The following TBC1D12 variants were observed in gnomAD, a reference collection of about 807,000 sequenced individuals.
The protein encoded by TBC1D12 is TBC1 domain family, member 12.
TBC1D12 carries 56 observed loss-of-function variants against 86.7 expected under a neutral mutation model. The observed-to-expected ratio is 0.65, with a 90% CI of 0.52 to 0.81. The LOEUF (loss-of-function observed/expected upper bound fraction) is 0.81. Among genes scored for constraint, TBC1D12 ranks in the 30% least tolerant of loss-of-function variants. The pLI is 0.00. For synonymous variants in TBC1D12, 421 were observed against 411.7 expected (o/e 1.02, Z -0.27); for missense variants, 1,023 against 1,038.8 (o/e 0.98, Z 0.21).
At position 94,403,376 on chromosome 10, in the gene TBC1D12, A is replaced by G; in HGVS notation, c.763A>G (p.Arg255Gly). Reference protein sequence around the residue: ...EGAPPATSAERTNGGAEPRLG... With the variant: ...EGAPPATSAEGTNGGAEPRLG... ...CGCGCCCCCTGCCACCTCGGCCGAG[A>G]GGACTAATGGGGGTGCGGAGCCGCG... is the stretch of plus-strand genomic sequence containing the variant. The change falls in exon 1 of 13, where the codon AGG becomes GGG. Residue 255 changes from arginine to glycine, a missense_variant. Physicochemically the swap from Arg to Gly is moderately radical, Grantham distance 125. Around this residue, in one of 2 missense-constraint regions of TBC1D12, gnomAD observed 628 missense variants for 531.1 expected, o/e 1.18. Coordinates refer to ENST00000225235, the MANE Select transcript of TBC1D12 (RefSeq NM_015188.2). The G allele has an allele frequency of 6.5e-7, 1 of 1,536,280 alleles. No homozygotes were observed. The highest frequency in any genetic ancestry group is 1.2e-5 in the South Asian group (1 of 82,684).
rs1378102625 is a variant in TBC1D12, at chr10:94,493,400, G to A, written c.1247G>A (p.Arg416His). Residue 416 changes from arginine to histidine, a missense_variant, in exon 4 of 13, where the codon CGT (arginine) becomes CAT (histidine). Around this residue, in one of 2 missense-constraint regions of TBC1D12, gnomAD observed 395 missense variants for 507.7 expected, o/e 0.78. Coordinates refer to ENST00000225235, the MANE Select transcript of TBC1D12 (RefSeq NM_015188.2). ...LPAKSVEEALRHRQEYDEMVA... is the reference protein window; with the variant it reads ...LPAKSVEEALHHRQEYDEMVA... ...GCCAAATCTGTGGAAGAAGCTTTAC[G>A]TCACCGACAAGAATACGATGAGATG... The A allele has an allele frequency of 5.6e-6, 9 of 1,612,570 alleles. No individual in the cohort carries two copies. Among genetic ancestry groups the A allele is most frequent in the East Asian group, 2.2e-5 (1 of 44,852 alleles).
intron 1 of TBC1D12, among the ~76,000 whole-genome samples, chr10:94,422,669 C>T (rs977829248): frequency 2.0e-4 from 31 of 152,098 alleles, no homozygotes; most frequent in African/African-American, 6.8e-4. Context: ...CAAACTCCTG[C>T]GCTCAAGCAG....
At chr10:94,496,962 G>A in intron 4 of TBC1D12, 93 bp from the exon 5 acceptor site, 1 of 601,246 alleles carries the variant, frequency 1.7e-6, no homozygotes, top group Non-Finnish European at 2.6e-6. Context: ...TATTCTTTTT[G>A]AGAAAGTCTA....
At chr10:94,460,560 G>T (rs149575626) in intron 2 of TBC1D12, among the ~76,000 whole-genome samples, 1 of 151,284 alleles carries the variant, frequency 6.6e-6, no homozygotes, top group Non-Finnish European at 1.5e-5. Flanking sequence ...ATATGATATG[G>T]CTAGAAGTAG....
At chr10:94,414,663 G>C (rs911274192) in intron 1 of TBC1D12, among the ~76,000 whole-genome samples, 1 of 149,220 alleles carries the variant, frequency 6.7e-6, no homozygotes, top group African/African-American at 2.5e-5. Flanking sequence ...ACAGTGGTGC[G>C]ATCTCGGCTC....
At chr10:94,458,584 C>T (rs756945970) in intron 2 of TBC1D12, among the ~76,000 whole-genome samples, 14 of 152,070 alleles carry the variant, frequency 9.2e-5, no homozygotes, top group South Asian at 2.1e-4. Context: ...AATGAAGCCA[C>T]GGACCCACGT....
chr10:94,412,212 A>AATATTTATGTAATGTAATTCTTAAAG (rs2054937267), intron 1 of TBC1D12, among the ~76,000 whole-genome samples: 1 of 152,214 alleles, frequency 6.6e-6, no homozygotes, highest in African/African-American at 2.4e-5. Flanking sequence ...AGGGTTAAAT[A>AATATTTATGTAATGTAATTCTTAAAG]ATATTTTACA....
In TBC1D12 at chr10:94,479,216, G is replaced by A. The variant is rs189315672; in HGVS notation, c.1211+4433G>A. Reference sequence around the variant, plus strand: ...AAGATTAATAATTCCAGAAAGGTGTGTATTGCTCTGGGATGTAGAAGCAAA... The same window carrying A: ...AAGATTAATAATTCCAGAAAGGTGTATATTGCTCTGGGATGTAGAAGCAAA... On this transcript the variant is annotated intron_variant, in intron 3 of 12. Transcript: ENST00000225235. Among the ~76,000 whole-genome samples the A allele has an allele frequency of 4.8e-3, 728 of 152,238 alleles. 6 individuals carry two copies. The highest frequency in any genetic ancestry group is 0.04 in the South Asian group (193 of 4,830).
intron 2 of TBC1D12, among the ~76,000 whole-genome samples, chr10:94,448,290 G>A (rs536222005): frequency 3.9e-4 from 59 of 152,288 alleles, no homozygotes; most frequent in African/African-American, 1.4e-3. Flanking sequence ...CTTAGAACAT[G>A]TTGGGGCTTA....
At chr10:94,465,682 G>A (rs867374581) in intron 2 of TBC1D12, among the ~76,000 whole-genome samples, 5 of 130,756 alleles carry the variant, frequency 3.8e-5, no homozygotes, top group African/African-American at 5.4e-5. Flanking sequence ...GTGTGTGTGT[G>A]TGTGTGTGTG....
intron 7 of TBC1D12, chr10:94,508,709 TA>T (rs1214005196): frequency 3.9e-5 from 6 of 152,152 alleles, no homozygotes; most frequent in African/African-American, 7.2e-5. Context: ...AATTTATTAT[TA>T]TTTTTTTCTC....
chr10:94,455,952 GAAAA>G (rs927564429), intron 2 of TBC1D12, among the ~76,000 whole-genome samples: 1 of 139,574 alleles, frequency 7.2e-6, no homozygotes, highest in Non-Finnish European at 1.6e-5. Context: ...TCTCAAAAAA[GAAAA>G]AAAAAAAGAA....
chr10:94,446,447 A>G (rs2055463296), intron 2 of TBC1D12, among the ~76,000 whole-genome samples: 1 of 152,216 alleles, frequency 6.6e-6, no homozygotes, highest in African/African-American at 2.4e-5. Context: ...TTTGAATGGT[A>G]AAGCAGTAAG....
At chr10:94,471,278 C>CAAAAA (rs556285067) in intron 2 of TBC1D12, among the ~76,000 whole-genome samples, 2 of 66,062 alleles carry the variant, frequency 3.0e-5, no homozygotes, top group Non-Finnish European at 3.2e-5. Flanking sequence ...TCTGTATCTC[C>CAAAAA]AAAAAAAAAA....
At chr10:94,441,317 TAAC>T (rs752211548) in intron 1 of TBC1D12, among the ~76,000 whole-genome samples, 3 of 151,982 alleles carry the variant, frequency 2.0e-5, no homozygotes, top group African/African-American at 7.2e-5. Flanking sequence ...TTATTATAAA[TAAC>T]AAATTATTAC....
intron 11 of TBC1D12, among the ~76,000 whole-genome samples, chr10:94,526,602 G>A (rs1842295722): frequency 6.6e-6 from 1 of 152,174 alleles, no homozygotes; most frequent in Non-Finnish European, 1.5e-5. Flanking sequence ...TCCATTGTGT[G>A]TATGTACCAC....
Position 94,485,195 on chromosome 10 carries a change from G to GT in TBC1D12, c.1212-8164dup, listed in dbSNP as rs375190256. The stretch of plus-strand genomic sequence containing the variant: ...TTCAGATTTTAGAAGAAACGCTTCA[G>GT]TTTTTTCCCATTAAATATGATACTG... On this transcript the variant is annotated intron_variant, in intron 3 of 12. Transcript: ENST00000225235. Among the ~76,000 whole-genome samples the GT allele has an allele frequency of 3.0e-3, 452 of 152,154 alleles. 3 individuals are homozygous for GT. The highest frequency in any genetic ancestry group is 0.01 in the African/African-American group (426 of 41,514).
At position 94,403,281 on chromosome 10, in the gene TBC1D12, C is replaced by G. The variant is rs777561181; in HGVS notation, c.668C>G (p.Pro223Arg). 6.7e-7 allele frequency: 1 copy of G among 1,501,486 alleles called. No homozygotes were observed. The highest frequency in any genetic ancestry group is 1.3e-5 in the South Asian group (1 of 77,854). 93.0% of individuals were successfully genotyped at this position (1,501,486 alleles called of 1,614,324 possible). Reference sequence around the variant, plus strand: ...GCGGGCAGCGACTCGGGGGACAGCCCCGCCAGCAGCTGCAGCAGTAGCGAG... The same window carrying G: ...GCGGGCAGCGACTCGGGGGACAGCCGCGCCAGCAGCTGCAGCAGTAGCGAG... ...EGAGSDSGDS[P>R]ASSCSSSEDS... is the part of the protein sequence containing the mutation. Residue 223 changes from proline to arginine, a missense_variant, in exon 1 of 13, where the codon CCC becomes CGC. Transcript: ENST00000225235.
At chr10:94,470,553 G>A (rs1589639953) in intron 2 of TBC1D12, among the ~76,000 whole-genome samples, 1 of 151,906 alleles carries the variant, frequency 6.6e-6, no homozygotes, top group African/African-American at 2.4e-5. Context: ...TGTAGAGACA[G>A]GATTTCACCA....
Sources: gnomAD v4.1 joint callset for allele counts (sites outside exome capture counted in the v4.1 genomes callset) on GRCh38, gnomAD v4.1.1 for gene constraint, gnomAD v4.1.1 regional missense constraint, MANE v1.5 for transcripts, NCBI Gene and HGNC (gene_info 2026-07-23, HGNC 2026-07-21) for gene names.